RASGRF1: variants seen among roughly 807,000 people sequenced by gnomAD.
The protein encoded by RASGRF1 is ras-specific guanine nucleotide-releasing factor 1.
Under a neutral mutation model 138.7 loss-of-function variants are expected in RASGRF1, and 40 were observed. The observed-to-expected ratio is 0.29, with a 90% CI of 0.22 to 0.38. RASGRF1 has a LOEUF of 0.38. Ranked by LOEUF, RASGRF1 falls within the 10% of genes least tolerant of loss-of-function variation. The probability of loss-of-function intolerance (pLI) is 1.00; values close to 1 mark genes in which losing one functional copy is unlikely to be tolerated. For missense variants in RASGRF1, 1,108 were observed against 1,650.4 expected (o/e 0.67, Z 5.69); for synonymous variants, 614 against 663.2 (o/e 0.93, Z 1.14).
chr15:79,011,827 T>C (rs918134081), intron 13 of RASGRF1, among the ~76,000 whole-genome samples: 1 of 152,154 alleles, frequency 6.6e-6, no homozygotes, highest in Non-Finnish European at 1.5e-5. Flanking sequence ...CTCATCGCCT[T>C]TCCCTGGTGT....
At chr15:78,983,302 G>T (rs1018497838) in intron 23 of RASGRF1, among the ~76,000 whole-genome samples, 9 of 145,836 alleles carry the variant, frequency 6.2e-5, no homozygotes, top group South Asian at 2.2e-4. Flanking sequence ...GGTGCCAAAG[G>T]TATTTTTGAT....
Position 79,046,714 on chromosome 15 carries a change from T to A in RASGRF1, c.878+32A>T. 6.2e-7 allele frequency: 1 copy of A among 1,609,970 alleles called. No homozygotes were observed. The highest frequency in any genetic ancestry group is 8.5e-7 in the Non-Finnish European group (1 of 1,176,410). ...TGCGGCCAATGCTCACTAGTCTCCT[T>A]CCTGCCTTGGCCAACCTTTAGGGGT... On this transcript the variant is annotated intron_variant, in intron 5 of 26. Transcript: ENST00000558480. The surrounding 1 kb of genome is among the most constrained non-coding windows in gnomAD (Gnocchi z 5.3).
chr15:79,077,694 C>T (rs2057855109), intron 1 of RASGRF1, among the ~76,000 whole-genome samples: 1 of 152,164 alleles, frequency 6.6e-6, no homozygotes, highest in East Asian at 1.9e-4. Context: ...GTGTAACTGG[C>T]TGCCAGTTGT....
chr15:79,019,019 G>A (rs758688473), intron 11 of RASGRF1, among the ~76,000 whole-genome samples: 1 of 152,078 alleles, frequency 6.6e-6, no homozygotes, highest in Admixed American at 6.5e-5. Context: ...GGCATGAGGG[G>A]AGCAGAACCC....
chr15:79,090,484 G>C lies in RASGRF1; in HGVS notation c.15C>G (p.Ile5Met). The C allele has an allele frequency of 4.3e-6, 7 of 1,612,378 alleles. No homozygotes were observed. Among genetic ancestry groups the C allele is most frequent in the Non-Finnish European group, 5.1e-6 (6 of 1,179,940 alleles). The change falls in exon 1 of 27, where the codon ATC (isoleucine) becomes ATG (methionine). Residue 5 changes from isoleucine to methionine, a missense_variant. By Grantham distance (10) the Ile-to-Met change is conservative. Around this residue, in one of 3 missense-constraint regions of RASGRF1, gnomAD observed 253 missense variants for 329.5 expected, o/e 0.77. Coordinates refer to ENST00000558480, the MANE Select transcript of RASGRF1 (RefSeq NM_001145648.3). MQKG[I>M]RLNDGHVASL... ...ACGCGACGTGGCCATCATTCAGCCGGATCCCCTTCTGCATGGTGCTCAGAG... is the reference window on the plus strand; with the variant it reads ...ACGCGACGTGGCCATCATTCAGCCGCATCCCCTTCTGCATGGTGCTCAGAG...
intron 1 of RASGRF1, among the ~76,000 whole-genome samples, chr15:79,084,900 C>G (rs560788357): frequency 1.5e-4 from 23 of 152,256 alleles, no homozygotes; most frequent in Non-Finnish European, 1.3e-4. Context: ...GATGGCAGGT[C>G]TTGCCAATTT....
At position 79,032,982 on chromosome 15, in the gene RASGRF1, ACCT is replaced by A. The variant is rs755592538; in HGVS notation, c.959-669_959-667del. ...AGCCGGCCTGGGGCTGGGTCTCCTG[ACCT>A]CCTGATTCCAGGGATTTCCTACCAT... On this transcript the variant is annotated intron_variant, in intron 6 of 26. Coordinates refer to ENST00000558480, the MANE Select transcript of RASGRF1 (RefSeq NM_001145648.3). The surrounding 1 kb of genome is among the most constrained non-coding windows in gnomAD (Gnocchi z 4.5). 2.6e-5 allele frequency among the ~76,000 whole-genome samples: 4 copies of A among 151,876 alleles called. No homozygotes were observed. Among genetic ancestry groups the A allele is most frequent in the Non-Finnish European group, 5.9e-5 (4 of 67,976 alleles).
chr15:79,063,959 A>G (rs1357105530), intron 2 of RASGRF1, among the ~76,000 whole-genome samples: 1 of 152,092 alleles, frequency 6.6e-6, no homozygotes, highest in Non-Finnish European at 1.5e-5. Context: ...AGAGGGGAGG[A>G]GCAGGCCTAG....
chr15:79,004,679 CA>C, intron 14 of RASGRF1: 1 of 986,142 alleles, frequency 1.0e-6, no homozygotes, highest in Non-Finnish European at 1.2e-6. Context: ...GCCCTATATG[CA>C]AACTTAGGGG....
chr15:79,068,530 TATAC>T (rs2057710592), intron 1 of RASGRF1, among the ~76,000 whole-genome samples: 1 of 148,952 alleles, frequency 6.7e-6, no homozygotes, highest in Non-Finnish European at 1.5e-5. Flanking sequence ...TAAGTATATA[TATAC>T]ATACATATAT....
chr15:79,056,498 G>A (rs2057513196), intron 3 of RASGRF1, among the ~76,000 whole-genome samples: 2 of 152,156 alleles, frequency 1.3e-5, no homozygotes, highest in African/African-American at 4.8e-5. Context: ...GGAAAGACTG[G>A]CAAGCAGACA....
chr15:79,069,106 G>C (rs995206796), intron 1 of RASGRF1, among the ~76,000 whole-genome samples: 1 of 152,110 alleles, frequency 6.6e-6, no homozygotes. Flanking sequence ...CTTTGGTCTT[G>C]GACTGCTCAG....
rs781505131 is a variant in RASGRF1, at chr15:79,033,199, G to A, written c.959-883C>T. On this transcript the variant is annotated intron_variant, in intron 6 of 26. Transcript: ENST00000558480. ...AATCTCCCCAAATCTGCCCTTCAAC[G>A]ATTTGATAGGCTGGGATGGGGTCAT... is the stretch of plus-strand genomic sequence containing the variant. Among the ~76,000 whole-genome samples the A allele has an allele frequency of 2.0e-5, 3 of 152,134 alleles. No homozygotes were observed. The South Asian group carries it at 6.2e-4, about 32-fold the overall frequency.
intron 26 of RASGRF1, among the ~76,000 whole-genome samples, chr15:78,970,404 A>G (rs893984124): frequency 6.6e-6 from 1 of 152,158 alleles, no homozygotes; most frequent in African/African-American, 2.4e-5. Context: ...CAGACCAGCC[A>G]TTCTCTTACA....
At chr15:79,062,424 G>C (rs1394508231) in intron 2 of RASGRF1, among the ~76,000 whole-genome samples, 1 of 152,124 alleles carries the variant, frequency 6.6e-6, no homozygotes, top group Non-Finnish European at 1.5e-5. Context: ...ACCCTCAATG[G>C]CTTCCCACCG....
intron 8 of RASGRF1, among the ~76,000 whole-genome samples, chr15:79,028,894 C>A (rs866650363): frequency 4.6e-5 from 7 of 152,242 alleles, no homozygotes; most frequent in Admixed American, 2.6e-4. Flanking sequence ...CTGTGCTTAA[C>A]TGAATCAGCA....
chr15:78,961,704 GT>G lies in RASGRF1; in HGVS notation c.*439del, dbSNP rs1308999835. Reference sequence around the variant, plus strand: ...GTCAATGACTGGACTTCAGGGTATGGTTTCCCCCTCCCGCCGCCCCCCACCC... The same window carrying G: ...GTCAATGACTGGACTTCAGGGTATGGTTCCCCCTCCCGCCGCCCCCCACCC... On this transcript the variant is annotated 3_prime_UTR_variant, in exon 27 of 27. Transcript: ENST00000558480. The G allele has an allele frequency of 2.0e-5, 3 of 152,024 alleles. 1 individual carries two copies. Among genetic ancestry groups the G allele is most frequent in the Admixed American group, 2.0e-4 (3 of 15,244 alleles). The allele number at this position is 152,024 out of a possible 1,614,324, so 9.4% of individuals were successfully genotyped here. A position where few individuals can be genotyped will look rare whatever the true frequency, so the allele number is the denominator to read the frequency against.
chr15:78,998,297 G>T, intron 18 of RASGRF1, 89 bp from the exon 19 acceptor site: 1 of 1,118,778 alleles, frequency 8.9e-7, no homozygotes, highest in Non-Finnish European at 1.4e-6. Flanking sequence ...AGGAGCTCCA[G>T]TTTCTATTCT....
rs773401911 is a variant in RASGRF1 at position 79,003,979 on chromosome 15, C to A, written c.2272G>T (p.Ala758Ser). 5 of 1,614,080 alleles carry A rather than the reference C, an allele frequency of 3.1e-6. No homozygotes were observed. The highest frequency in any genetic ancestry group is 3.3e-4 in the Middle Eastern group (2 of 6,060). Residue 758 changes from alanine to serine, a missense_variant, in exon 15 of 27, where the codon GCC becomes TCC. Ala to Ser is a moderately conservative substitution (Grantham distance 99). Transcript: ENST00000558480. ...ITGGKALDLA[A>S]LSCNSNGYTS... ...TAGCCATTGGAGTTGCAGCTGAGGG[C>A]GGCCAGGTCCAGGGCCTTGCCGCCA... is the stretch of plus-strand genomic sequence containing the variant.
Sources: allele counts gnomAD v4.1 joint callset (sites outside exome capture counted in the v4.1 genomes callset), GRCh38; gene constraint gnomAD v4.1.1; regional missense constraint gnomAD v4.1.1; non-coding constraint Gnocchi (gnomAD v3.1); transcripts MANE v1.5; gene names NCBI Gene and HGNC (gene_info 2026-07-23, HGNC 2026-07-21).